LRRIQ3: variants seen among roughly 807,000 people sequenced by gnomAD.
LRRIQ3 encodes leucine-rich repeat and IQ domain-containing protein 3.
LRRIQ3 carries 75 observed loss-of-function variants against 59.3 expected under a neutral mutation model. The ratio of observed to expected loss-of-function variants is 1.26; its 90% CI spans 1.05 to 1.53. The LOEUF (loss-of-function observed/expected upper bound fraction) is 1.53. Among genes scored for constraint, LRRIQ3 ranks in the 40% most tolerant of loss-of-function variants. The pLI is 0.00. For missense variants in LRRIQ3, 831 were observed against 710.0 expected (o/e 1.17, Z -1.94); for synonymous variants, 250 against 231.3 (o/e 1.08, Z -0.73).
At chr1:74,099,122 T>G (rs1009512083) in intron 5 of LRRIQ3, among the ~76,000 whole-genome samples, 1 of 151,054 alleles carries the variant, frequency 6.6e-6, no homozygotes, top group African/African-American at 2.4e-5. Context: ...CAGGAGCTGG[T>G]TTTTTGAAAA....
chr1:74,080,266 G>C (rs1646258897), intron 5 of LRRIQ3, among the ~76,000 whole-genome samples: 1 of 151,620 alleles, frequency 6.6e-6, no homozygotes, highest in African/African-American at 2.4e-5. Context: ...AAGTGGGGGA[G>C]ACATAGTATA....
intron 6 of LRRIQ3, among the ~76,000 whole-genome samples, chr1:74,068,278 A>G (rs926152927): frequency 1.3e-5 from 2 of 152,122 alleles, no homozygotes; most frequent in Non-Finnish European, 2.9e-5. Flanking sequence ...AGTACAGTGA[A>G]GATTTCTTTA....
At chr1:74,124,473 T>C (rs375549725) in intron 4 of LRRIQ3, among the ~76,000 whole-genome samples, 30 of 152,072 alleles carry the variant, frequency 2.0e-4, no homozygotes, top group African/African-American at 5.1e-4. Flanking sequence ...CGTTTTCTTA[T>C]AGTAGTTTCA....
intron 6 of LRRIQ3, among the ~76,000 whole-genome samples, chr1:74,066,594 T>C (rs1328312628): frequency 1.3e-5 from 2 of 152,166 alleles, no homozygotes; most frequent in Non-Finnish European, 2.9e-5. Flanking sequence ...AAATTGAGTA[T>C]ACACATGTGC....
At chr1:74,123,792 A>T (rs544710763) in intron 4 of LRRIQ3, among the ~76,000 whole-genome samples, 1 of 152,158 alleles carries the variant, frequency 6.6e-6, no homozygotes, top group Non-Finnish European at 1.5e-5. Flanking sequence ...TATCTTCAAC[A>T]GACTGATTGC....
intron 6 of LRRIQ3, among the ~76,000 whole-genome samples, chr1:74,054,934 T>C (rs2100425686): frequency 6.8e-6 from 1 of 147,492 alleles, no homozygotes; most frequent in African/African-American, 2.4e-5. Context: ...ATAATTGTAT[T>C]ACATATTATG....
At chr1:74,099,139 T>C (rs11210413) in intron 5 of LRRIQ3, among the ~76,000 whole-genome samples, 124,220 of 151,936 alleles carry the variant, frequency 0.82, 52,676 homozygotes, top group East Asian at 0.97. Context: ...AAAAGATCAA[T>C]AAAATTGATA....
At chr1:74,060,334 A>C (rs561151485) in intron 6 of LRRIQ3, among the ~76,000 whole-genome samples, 43 of 78,530 alleles carry the variant, frequency 5.5e-4, no homozygotes, top group African/African-American at 6.8e-4. Flanking sequence ...CTCCTCTTCC[A>C]CCTCCTCCTC....
At chr1:74,173,159 TGGTAGCG>T (rs1443363778) in intron 3 of LRRIQ3, among the ~76,000 whole-genome samples, 1 of 151,918 alleles carries the variant, frequency 6.6e-6, no homozygotes, top group East Asian at 1.9e-4. Flanking sequence ...CAGCTGGGCG[TGGTAGCG>T]GGCACCTATA....
chr1:74,039,348 C>T (rs907013359), intron 7 of LRRIQ3, among the ~76,000 whole-genome samples: 2 of 152,128 alleles, frequency 1.3e-5, no homozygotes, highest in African/African-American at 4.8e-5. Flanking sequence ...GAACCTATGA[C>T]TGACTGGAGT....
At chr1:74,057,372 C>T (rs1216791307) in intron 6 of LRRIQ3, among the ~76,000 whole-genome samples, 1 of 151,850 alleles carries the variant, frequency 6.6e-6, no homozygotes, top group Non-Finnish European at 1.5e-5. Context: ...GTAACCAAAG[C>T]AGAATGGTAC....
intron 3 of LRRIQ3, among the ~76,000 whole-genome samples, chr1:74,168,022 G>A (rs188247624): frequency 2.2e-3 from 337 of 152,096 alleles, no homozygotes; most frequent in Non-Finnish European, 3.8e-3. Context: ...AGTCTGTATA[G>A]AATTTCATGG....
chr1:74,046,106 A>T (rs1389531913), intron 6 of LRRIQ3, among the ~76,000 whole-genome samples: 2 of 152,194 alleles, frequency 1.3e-5, no homozygotes, highest in African/African-American at 4.8e-5. Context: ...GGAAAAAACT[A>T]CTTTAAAGTT....
chr1:74,142,743 C>A (rs1452021030), intron 4 of LRRIQ3, among the ~76,000 whole-genome samples: 1 of 151,996 alleles, frequency 6.6e-6, no homozygotes, highest in Non-Finnish European at 1.5e-5. Flanking sequence ...GCTGTTACAT[C>A]TTGAATCATT....
chr1:74,125,366 G>T (rs1646919918), intron 4 of LRRIQ3, among the ~76,000 whole-genome samples: 1 of 151,826 alleles, frequency 6.6e-6, no homozygotes, highest in Non-Finnish European at 1.5e-5. Context: ...TTGCCTGATT[G>T]CTCTAGCTAG....
At chr1:74,158,590 T>G (rs778520423) in intron 3 of LRRIQ3, among the ~76,000 whole-genome samples, 1 of 152,130 alleles carries the variant, frequency 6.6e-6, no homozygotes, top group Non-Finnish European at 1.5e-5. Context: ...TATACAATAT[T>G]ATCCTGTGTC....
At chr1:74,146,935 T>A (rs1419643343) in intron 4 of LRRIQ3, among the ~76,000 whole-genome samples, 2 of 152,332 alleles carry the variant, frequency 1.3e-5, no homozygotes, top group African/African-American at 4.8e-5. Flanking sequence ...TTATAAGAGT[T>A]CCCTATGATT....
rs773633753 is a variant in LRRIQ3 at position 74,182,662 on chromosome 1, G to T, written c.449C>A (p.Pro150His). 2 of 1,611,798 alleles carry T rather than the reference G, an allele frequency of 1.2e-6. No homozygotes were observed. The highest frequency in any genetic ancestry group is 1.7e-6 in the Non-Finnish European group (2 of 1,178,638). Residue 150 changes from proline (P) to histidine (H), a missense_variant, in exon 3 of 8, where the codon CCT becomes CAT. By Grantham distance (77) the Pro-to-His change is moderately conservative. Coordinates refer to ENST00000354431, the MANE Select transcript of LRRIQ3 (RefSeq NM_001105659.2). ...CACATGATGATCCAGCGCTTTGAGA[G>T]GCCATATACTGTTAACAAGAACATG... ...YRHVLVNSIWPLKALDHHVIS... is the reference protein window; with the variant it reads ...YRHVLVNSIWHLKALDHHVIS...
chr1:74,162,072 T>G (rs1386874744), intron 3 of LRRIQ3, among the ~76,000 whole-genome samples: 2 of 151,866 alleles, frequency 1.3e-5, no homozygotes, highest in Non-Finnish European at 2.9e-5. Flanking sequence ...TTTTCATCAT[T>G]TGTAAAATGG....
Sources: allele counts gnomAD v4.1 joint callset (sites outside exome capture counted in the v4.1 genomes callset), GRCh38; gene constraint gnomAD v4.1.1; transcripts MANE v1.5; gene names NCBI Gene and HGNC (gene_info 2026-07-23, HGNC 2026-07-21).